ATP2A3: variants seen among roughly 807,000 people sequenced by gnomAD.
The protein encoded by ATP2A3 is ATPase sarcoplasmic/endoplasmic reticulum Ca2+ transporting 3, also known as sarcoplasmic/endoplasmic reticulum calcium ATPase 3.
ATP2A3 carries 61 observed loss-of-function variants against 106.8 expected under a neutral mutation model. The observed-to-expected ratio is 0.57, with a 90% CI of 0.46 to 0.71. The LOEUF (loss-of-function observed/expected upper bound fraction) is 0.71, where lower values mean the gene tolerates loss of function less well. ATP2A3 is among the 30% of genes least tolerant of loss of function. The pLI is 0.00. For missense variants in ATP2A3, 1,201 were observed against 1,423.5 expected, an observed-to-expected ratio of 0.84 and a Z score of 2.52; for synonymous variants, 611 against 609.3, an observed-to-expected ratio of 1.00 and a Z score of -0.04.
chr17:3,951,690 AGGATCACAGCT>A lies in ATP2A3; in HGVS notation c.220-16_220-6del. On this transcript the variant is annotated splice_polypyrimidine_tract_variant and splice_region_variant and intron_variant, in intron 3 of 20. Coordinates refer to ENST00000397041, the MANE Select transcript of ATP2A3 (RefSeq NM_005173.4). ...CTCCTCGAACCAGGCCAGGACCTGC[AGGATCACAGCT>A]GGTGAGCTCAGGCCCTGCTGCGGGC... 1 of 1,604,932 alleles carries A rather than the reference AGGATCACAGCT, an allele frequency of 6.2e-7. No individual in the cohort carries two copies. The highest frequency in any genetic ancestry group is 8.5e-7 in the Non-Finnish European group (1 of 1,176,332).
At chr17:3,942,363 C>T (rs988224592) in intron 12 of ATP2A3, among the ~76,000 whole-genome samples, 3 of 152,240 alleles carry the variant, frequency 2.0e-5, no homozygotes, top group African/African-American at 4.8e-5. Context: ...AACGGAGACG[C>T]TGTAGACAGT....
intron 17 of ATP2A3, among the ~76,000 whole-genome samples, chr17:3,931,841 A>G (rs2053120898): frequency 6.6e-6 from 1 of 152,114 alleles, no homozygotes; most frequent in South Asian, 2.1e-4. Flanking sequence ...TTTAAATTAG[A>G]AATTGGGGCC....
At chr17:3,939,648 A>T (rs971856320) in intron 14 of ATP2A3, among the ~76,000 whole-genome samples, 3 of 151,752 alleles carry the variant, frequency 2.0e-5, no homozygotes, top group African/African-American at 7.3e-5. Context: ...TTAGCTGGGC[A>T]TGGTGGTGCG....
chr17:3,933,592 C>T (rs1038080514), intron 17 of ATP2A3, among the ~76,000 whole-genome samples: 5 of 151,046 alleles, frequency 3.3e-5, no homozygotes, highest in Non-Finnish European at 5.9e-5. Context: ...AAAAATTAGC[C>T]GGGCATGGTG....
intron 14 of ATP2A3, among the ~76,000 whole-genome samples, chr17:3,939,515 GCGGT>G (rs2053619375): frequency 6.6e-6 from 1 of 152,066 alleles, no homozygotes; most frequent in Admixed American, 6.6e-5. Flanking sequence ...TAGGCCGGGC[GCGGT>G]GGCTCATACT....
Position 3,926,843 on chromosome 17 carries a change from A to G in ATP2A3, c.2981-1402T>C. The G allele has an allele frequency of 1.0e-6, 1 of 985,158 alleles. No homozygotes were observed. The allele number at this position is 985,158 out of a possible 1,614,324, so 61.0% of individuals were successfully genotyped here. On this transcript the variant is annotated intron_variant, in intron 20 of 20. Coordinates refer to ENST00000397041, the MANE Select transcript of ATP2A3 (RefSeq NM_005173.4). This position sits in a 1 kb window ranked among gnomAD's most constrained non-coding sequence, Gnocchi z 4.6. ...CTCGGCCTCCCAAAGTGCTGGGATG[A>G]CAGGTGTGAGCCACTGCACCCGGCC...
intron 10 of ATP2A3, among the ~76,000 whole-genome samples, chr17:3,944,488 G>A (rs900862707): frequency 6.6e-6 from 1 of 152,088 alleles, no homozygotes; most frequent in African/African-American, 2.4e-5. Context: ...TTCCATGGCA[G>A]TCCCCCACAG....
chr17:3,950,412 C>T (rs1439990774), intron 7 of ATP2A3, 99 bp downstream of exon 7: 23 of 1,332,400 alleles, frequency 1.7e-5, no homozygotes, highest in Non-Finnish European at 2.1e-5. Flanking sequence ...GATCCACCCA[C>T]CTCAGCCTCC....
chr17:3,935,109 A>G (rs2144349306), intron 17 of ATP2A3, 83 bp downstream of exon 17: 1 of 1,408,574 alleles, frequency 7.1e-7, no homozygotes, highest in Non-Finnish European at 1.0e-6. Flanking sequence ...CAGGCCACCC[A>G]TGCGGCTCTA....
rs1567727073 is a variant in ATP2A3 at position 3,958,879 on chromosome 17, C to CATATATAAATATATATATATATAT, written c.119-5170_119-5169insATATATATATATATATTTATATAT. ...ATATATATATATATATACACACACA[C>CATATATAAATATATATATATATAT]ACACACACATATATATATATTGTTT... On this transcript the variant is annotated intron_variant, in intron 1 of 20. Transcript: ENST00000397041. Among the ~76,000 whole-genome samples, 270 of 112,798 alleles carry CATATATAAATATATATATATATAT rather than the reference C, an allele frequency of 2.4e-3. 12 individuals are homozygous for CATATATAAATATATATATATATAT. Among genetic ancestry groups the CATATATAAATATATATATATATAT allele is most frequent in the African/African-American group, 9.5e-3 (251 of 26,302 alleles). The allele number at this position is 112,798 out of a possible 152,430, so 74.0% of individuals were successfully genotyped here.
rs1011907210 is a variant in ATP2A3 at position 3,964,409 on chromosome 17, G to A, written c.-118C>T. 2.1e-4 allele frequency: 89 copies of A among 433,342 alleles called. No individual in the cohort carries two copies. Among genetic ancestry groups the A allele is most frequent in the Non-Finnish European group, 2.6e-4 (82 of 311,570 alleles). The allele number at this position is 433,342 out of a possible 1,614,324, so 26.8% of individuals were successfully genotyped here. On this transcript the variant is annotated 5_prime_UTR_variant, in exon 1 of 21. The change creates a new upstream start codon in the 5' untranslated region. Coordinates refer to ENST00000397041, the MANE Select transcript of ATP2A3 (RefSeq NM_005173.4). ...GCGGGCGCCGCGCGAGGCCATGTCC[G>A]TGCTGGGACCTTACCCGACGGCAGT... is the stretch of plus-strand genomic sequence containing the variant.
rs2055312649 is a variant in ATP2A3, at chr17:3,964,271, G to A, written c.21C>T (p.Leu7=). MEAAHL[L]PAADVLRHFS... is the part of the protein sequence containing the mutation. ...AGTGGCGCAGCACGTCGGCGGCCGG[G>A]AGCAGATGCGCCGCCTCCATGCCGC... The change falls in exon 1 of 21, where the codon CTC becomes CTT. Residue 7 remains leucine, a synonymous_variant. Transcript: ENST00000397041. 1.6e-6 allele frequency: 2 copies of A among 1,283,328 alleles called. No individual in the cohort carries two copies. The highest frequency in any genetic ancestry group is 2.0e-6 in the Non-Finnish European group (2 of 1,002,292). 79.5% of individuals were successfully genotyped at this position (1,283,328 alleles called of 1,614,324 possible).
In ATP2A3 at chr17:3,925,400, G is replaced by A. The variant is rs767455050; in HGVS notation, c.*22C>T. The A allele has an allele frequency of 6.2e-7, 1 of 1,613,884 alleles. No homozygotes were observed. The highest frequency in any genetic ancestry group is 2.2e-5 in the East Asian group (1 of 44,878). ...CCATCAGTCTGAGGTACACACCGGAGACTCCACTCTGTTCCCAGCGCTCAC... is the reference window on the plus strand; with the variant it reads ...CCATCAGTCTGAGGTACACACCGGAAACTCCACTCTGTTCCCAGCGCTCAC... On this transcript the variant is annotated 3_prime_UTR_variant, in exon 21 of 21. Coordinates refer to ENST00000397041, the MANE Select transcript of ATP2A3 (RefSeq NM_005173.4). This position sits in a 1 kb window ranked among gnomAD's most constrained non-coding sequence, Gnocchi z 4.2.
chr17:3,927,502 C>A (rs145400766), intron 20 of ATP2A3: 69 of 985,416 alleles, frequency 7.0e-5, no homozygotes, highest in Non-Finnish European at 8.1e-5. Context: ...TGGTCAAGGG[C>A]GGCTGGAGGA....
chr17:3,961,145 C>T (rs1002202423), intron 1 of ATP2A3, among the ~76,000 whole-genome samples: 1 of 152,214 alleles, frequency 6.6e-6, no homozygotes, highest in East Asian at 1.9e-4. Flanking sequence ...TGTGTATATG[C>T]ACGGACTGTC....
chr17:3,935,129 C>T (rs1275171666), intron 17 of ATP2A3, 63 bp downstream of exon 17: 2 of 1,553,462 alleles, frequency 1.3e-6, no homozygotes, highest in South Asian at 2.2e-5. Flanking sequence ...AGACCCATCT[C>T]CCCTGGAACT....
intron 8 of ATP2A3, among the ~76,000 whole-genome samples, chr17:3,945,723 A>C (rs2054076660): frequency 6.6e-6 from 1 of 152,228 alleles, no homozygotes; most frequent in South Asian, 2.1e-4. Flanking sequence ...CTGGCCCAGC[A>C]TGCCTATTTC....
At chr17:3,962,678 C>G (rs1204731122) in intron 1 of ATP2A3, among the ~76,000 whole-genome samples, 1 of 152,040 alleles carries the variant, frequency 6.6e-6, no homozygotes, top group Non-Finnish European at 1.5e-5. Context: ...CCAGTCAGTT[C>G]CTCCTCCGCT....
intron 1 of ATP2A3, among the ~76,000 whole-genome samples, chr17:3,958,068 C>T (rs1237722173): frequency 2.0e-5 from 3 of 152,204 alleles, no homozygotes; most frequent in Non-Finnish European, 2.9e-5. Context: ...AGAGAAGCTT[C>T]GTGGCTTAGA....
Sources: allele counts gnomAD v4.1 joint callset (sites outside exome capture counted in the v4.1 genomes callset), GRCh38; gene constraint gnomAD v4.1.1; non-coding constraint Gnocchi (gnomAD v3.1); transcripts MANE v1.5; gene names NCBI Gene and HGNC (gene_info 2026-07-23, HGNC 2026-07-21).